Variants in M1AP observed in about 807,000 individuals in gnomAD.
M1AP encodes meiosis 1 arrest protein.
A neutral mutation model predicts 51.2 loss-of-function variants in M1AP; 39 were observed. The ratio of observed to expected loss-of-function variants is 0.76; its 90% CI spans 0.59 to 1.00. The LOEUF (loss-of-function observed/expected upper bound fraction) is 1.00, where lower values mean the gene tolerates loss of function less well. M1AP is among the 50% of genes least tolerant of loss of function. M1AP has a pLI of 0.00. For synonymous variants in M1AP, 251 were observed against 249.2 expected, an observed-to-expected ratio of 1.01 and a Z score of -0.07; for missense variants, 545 against 641.2, an observed-to-expected ratio of 0.85 and a Z score of 1.62.
chr2:74,620,989 T>C (rs1042105425), intron 2 of M1AP: 1 of 154,552 alleles, frequency 6.5e-6, no homozygotes, highest in Non-Finnish European at 1.5e-5. Context: ...ACCTTAAAAA[T>C]GCGCCAGAAA....
At chr2:74,579,710 C>G (rs1287010607) in intron 5 of M1AP, among the ~76,000 whole-genome samples, 1 of 151,998 alleles carries the variant, frequency 6.6e-6, no homozygotes, top group Admixed American at 6.6e-5. Flanking sequence ...AGAGCTCTCT[C>G]GATACAGGTA....
Position 74,575,412 on chromosome 2 carries a change from T to C in M1AP, c.1074+26A>G. On this transcript the variant is annotated intron_variant, in intron 7 of 10. Coordinates refer to ENST00000421985, the MANE Select transcript of M1AP (RefSeq NM_001321739.2). Reference sequence around the variant, plus strand: ...TGGTACTTTAAAAACGATTCTTCTTTTTCACCTGGGGACATGGGTACTCAC... The same window carrying C: ...TGGTACTTTAAAAACGATTCTTCTTCTTCACCTGGGGACATGGGTACTCAC... 3.1e-6 allele frequency: 5 copies of C among 1,613,002 alleles called. No homozygotes were observed. The South Asian group carries it at 5.5e-5, about 18-fold the overall frequency.
chr2:74,637,161 T>A (rs922979035), intron 2 of M1AP, among the ~76,000 whole-genome samples: 1 of 152,210 alleles, frequency 6.6e-6, no homozygotes, highest in African/African-American at 2.4e-5. Context: ...CTGTGTTTCA[T>A]GTTGGATAGT....
At chr2:74,559,622 A>C in intron 10 of M1AP, 76 bp downstream of exon 10, 1 of 715,016 alleles carries the variant, frequency 1.4e-6, no homozygotes, top group Non-Finnish European at 2.6e-6. Context: ...TCAACCCCAG[A>C]TAGTCATGGG....
chr2:74,614,313 G>A (rs908864368), intron 3 of M1AP, among the ~76,000 whole-genome samples: 3 of 152,176 alleles, frequency 2.0e-5, no homozygotes, highest in Non-Finnish European at 4.4e-5. Flanking sequence ...CTTTTTACTA[G>A]TTGTTAGGAT....
intron 7 of M1AP, among the ~76,000 whole-genome samples, chr2:74,569,492 C>T (rs1355402169): frequency 6.6e-6 from 1 of 150,936 alleles, no homozygotes; most frequent in East Asian, 2.0e-4. Flanking sequence ...GTGATTCTCG[C>T]GCCTCCCGAG....
At chr2:74,561,561 C>T (rs915614827) in intron 8 of M1AP, among the ~76,000 whole-genome samples, 3 of 152,140 alleles carry the variant, frequency 2.0e-5, no homozygotes, top group African/African-American at 7.2e-5. Flanking sequence ...GACACGAAAA[C>T]CCATACAAAG....
intron 4 of M1AP, among the ~76,000 whole-genome samples, chr2:74,587,392 G>A (rs1010163714): frequency 3.9e-5 from 6 of 152,058 alleles, no homozygotes; most frequent in African/African-American, 1.4e-4. Context: ...TAGAGATGGG[G>A]CTTCACCGTG....
chr2:74,601,610 C>T lies in M1AP; in HGVS notation c.595+5445G>A, dbSNP rs182027872. On this transcript the variant is annotated intron_variant, in intron 4 of 10. Coordinates refer to ENST00000421985, the MANE Select transcript of M1AP (RefSeq NM_001321739.2). ...TACTACAAACAGCACTGGACAGGAT[C>T]TTTCAGCAAAATTTTAAAGAATAAA... Among the ~76,000 whole-genome samples the T allele has an allele frequency of 1.4e-4, 21 of 152,104 alleles. No homozygotes were observed. The East Asian group carries it at 3.7e-3, about 27-fold the overall frequency.
chr2:74,647,788 G>A (rs557654184), intron 1 of M1AP, among the ~76,000 whole-genome samples: 8 of 152,316 alleles, frequency 5.3e-5, no homozygotes, highest in African/African-American at 1.9e-4. Flanking sequence ...CAGCTTACTC[G>A]AGAAGCTGAG....
rs749441207 is a variant in M1AP, at chr2:74,575,564, G to C, written c.948C>G (p.Ser316Arg). ...CATATGTCAATGACTCGCAGAGCCC[G>C]CTAGATTTTAAAGCCCTAGGAAGAG... Reference protein sequence around the residue: ...KLQVIKALKSSGLCESLTYGL... With the variant: ...KLQVIKALKSRGLCESLTYGL... Residue 316 changes from serine to arginine, a missense_variant, in exon 7 of 11, where the codon AGC becomes AGG. Coordinates refer to ENST00000421985, the MANE Select transcript of M1AP (RefSeq NM_001321739.2). 1 of 1,613,826 alleles carries C rather than the reference G, an allele frequency of 6.2e-7. No individual in the cohort carries two copies. Among genetic ancestry groups the C allele is most frequent in the Non-Finnish European group, 8.5e-7 (1 of 1,179,824 alleles).
At chr2:74,606,104 A>T (rs971231068) in intron 4 of M1AP, among the ~76,000 whole-genome samples, 2 of 152,204 alleles carry the variant, frequency 1.3e-5, no homozygotes, top group Non-Finnish European at 2.9e-5. Flanking sequence ...TAAGCTGGCA[A>T]ATGAGTGAGG....
chr2:74,596,543 C>T (rs1454057887), intron 4 of M1AP, among the ~76,000 whole-genome samples: 2 of 152,082 alleles, frequency 1.3e-5, no homozygotes, highest in African/African-American at 2.4e-5. Flanking sequence ...GATCACGCCA[C>T]TGCACTCAAG....
chr2:74,605,725 C>G (rs1680934659), intron 4 of M1AP, among the ~76,000 whole-genome samples: 3 of 151,928 alleles, frequency 2.0e-5, no homozygotes, highest in Non-Finnish European at 4.4e-5. Context: ...ACGGTGAAAC[C>G]CTGTCTCTAC....
intron 2 of M1AP, among the ~76,000 whole-genome samples, chr2:74,621,322 C>G (rs1682018820): frequency 6.6e-6 from 1 of 151,582 alleles, no homozygotes; most frequent in Non-Finnish European, 1.5e-5. Flanking sequence ...AGAAAAGCAG[C>G]ACTTTCCCAG....
chr2:74,645,151 A>C (rs6546916), intron 1 of M1AP, among the ~76,000 whole-genome samples: 146,712 of 152,118 alleles, frequency 0.96, 70,807 homozygotes, highest in East Asian at 1. Flanking sequence ...GAGGAATGAA[A>C]AACTCCACAC....
At chr2:74,583,279 T>A (rs528147870) in intron 4 of M1AP, among the ~76,000 whole-genome samples, 1 of 152,300 alleles carries the variant, frequency 6.6e-6, no homozygotes, top group East Asian at 1.9e-4. Flanking sequence ...TTTTGGGGTA[T>A]CCCCTTATAG....
At chr2:74,602,745 C>A (rs563113198) in intron 4 of M1AP, among the ~76,000 whole-genome samples, 1 of 152,310 alleles carries the variant, frequency 6.6e-6, no homozygotes, top group East Asian at 1.9e-4. Context: ...GTCATATACA[C>A]TTAACCCACA....
At chr2:74,582,828 C>A (rs1030623688) in intron 4 of M1AP, among the ~76,000 whole-genome samples, 1 of 151,998 alleles carries the variant, frequency 6.6e-6, no homozygotes, top group African/African-American at 2.4e-5. Context: ...CAAGACCAGC[C>A]TGGCCAACAT....
Sources: allele counts gnomAD v4.1 joint callset (sites outside exome capture counted in the v4.1 genomes callset), GRCh38; gene constraint gnomAD v4.1.1; transcripts MANE v1.5; gene names NCBI Gene and HGNC (gene_info 2026-07-23, HGNC 2026-07-21).